The following TMED5 variants were observed in gnomAD, a reference collection of about 807,000 sequenced individuals.
TMED5 encodes transmembrane p24 trafficking protein 5.
Under a neutral mutation model 23.0 loss-of-function variants are expected in TMED5, and 27 were observed. The observed-to-expected ratio is 1.17, with a 90% CI of 0.86 to 1.62. The LOEUF (loss-of-function observed/expected upper bound fraction) is 1.62. TMED5 is among the 40% of genes most tolerant of loss of function. The probability of loss-of-function intolerance (pLI) is 0.00; values close to 1 mark genes in which losing one functional copy is unlikely to be tolerated. For missense variants in TMED5, 248 were observed against 273.7 expected, an observed-to-expected ratio of 0.91 and a Z score of 0.66; for synonymous variants, 97 against 100.8, an observed-to-expected ratio of 0.96 and a Z score of 0.23.
Position 93,160,125 on chromosome 1 carries a change from T to G in TMED5, c.287+4A>C. 6.3e-7 allele frequency: 1 copy of G among 1,594,390 alleles called. No individual in the cohort carries two copies. The highest frequency in any genetic ancestry group is 8.6e-7 in the Non-Finnish European group (1 of 1,162,898). On this transcript the variant is annotated splice_donor_region_variant and intron_variant, in intron 2 of 3. Coordinates refer to ENST00000370282, the MANE Select transcript of TMED5 (RefSeq NM_016040.5). The stretch of plus-strand genomic sequence containing the variant: ...ATGAAACTCAACTAAAAGAGATTAC[T>G]TACGTGTGAACTCCATCTGATTTTC...
chr1:93,157,094 T>C lies in TMED5; in HGVS notation c.288-611A>G, dbSNP rs115733071. 7.8e-3 allele frequency among the ~76,000 whole-genome samples: 1,184 copies of C among 152,210 alleles called. 21 individuals carry two copies. The highest frequency in any genetic ancestry group is 0.027 in the African/African-American group (1,130 of 41,544). On this transcript the variant is annotated intron_variant, in intron 2 of 3. Coordinates refer to ENST00000370282, the MANE Select transcript of TMED5 (RefSeq NM_016040.5). ...ATATTTATACATTATTAAAAGTATT[T>C]TATCATGAGTTCAATTCATATGCAG...
chr1:93,173,761 T>G (rs1648811806), intron 1 of TMED5, among the ~76,000 whole-genome samples: 1 of 152,240 alleles, frequency 6.6e-6, no homozygotes, highest in Non-Finnish European at 1.5e-5. Context: ...TAGACTTCCT[T>G]ATTAAAAACT....
rs1378215125 is a variant in TMED5 at position 93,175,314 on chromosome 1, T to TACAC, written c.189+4739_189+4740insGTGT. 2.4e-3 allele frequency among the ~76,000 whole-genome samples: 263 copies of TACAC among 109,050 alleles called. 1 individual carries two copies. The highest frequency in any genetic ancestry group is 5.3e-3 in the Middle Eastern group (1 of 188). 71.5% of individuals were successfully genotyped at this position (109,050 alleles called of 152,430 possible). ...TCCCTTATGCCTATATATATATATATATACACACACACACACACACACACA... is the reference window on the plus strand; with the variant it reads ...TCCCTTATGCCTATATATATATATATACACATACACACACACACACACACACACA... On this transcript the variant is annotated intron_variant, in intron 1 of 3. Transcript: ENST00000370282.
rs1399492283 is a variant in TMED5 at position 93,180,149 on chromosome 1, G to A, written c.94C>T (p.Leu32Phe). 1.9e-6 allele frequency: 3 copies of A among 1,613,704 alleles called. No homozygotes were observed. The highest frequency in any genetic ancestry group is 2.5e-6 in the Non-Finnish European group (3 of 1,179,804). The change falls in exon 1 of 4, where the codon CTC becomes TTC. Residue 32 changes from leucine (L) to phenylalanine (F), a missense_variant. By Grantham distance (22) the Leu-to-Phe change is conservative. Coordinates refer to ENST00000370282, the MANE Select transcript of TMED5 (RefSeq NM_016040.5). Reference protein sequence around the residue: ...LPGAAGFTPSLDSDFTFTLPA... With the variant: ...LPGAAGFTPSFDSDFTFTLPA... ...AGGGTAAAGGTGAAGTCGCTATCGAGGGAAGGTGTGAAGCCGGCCGCCCCA... is the reference window on the plus strand; with the variant it reads ...AGGGTAAAGGTGAAGTCGCTATCGAAGGAAGGTGTGAAGCCGGCCGCCCCA...
chr1:93,164,467 A>G (rs1648411767), intron 1 of TMED5, among the ~76,000 whole-genome samples: 1 of 152,162 alleles, frequency 6.6e-6, no homozygotes, highest in African/African-American at 2.4e-5. Context: ...AATTTTTTTA[A>G]AAAGTCCACC....
chr1:93,167,351 G>A (rs1648545827), intron 1 of TMED5, among the ~76,000 whole-genome samples: 1 of 152,058 alleles, frequency 6.6e-6, no homozygotes, highest in Non-Finnish European at 1.5e-5. Flanking sequence ...GATTGCTTTG[G>A]GTAGTATGGA....
chr1:93,163,893 G>A (rs1648390577), intron 1 of TMED5, among the ~76,000 whole-genome samples: 1 of 150,252 alleles, frequency 6.7e-6, no homozygotes, highest in Admixed American at 6.7e-5. Context: ...TGAGGCAGGA[G>A]AATTGCTTGA....
At chr1:93,157,850 C>T (rs1381787204) in intron 2 of TMED5, among the ~76,000 whole-genome samples, 2 of 152,194 alleles carry the variant, frequency 1.3e-5, no homozygotes, top group Non-Finnish European at 2.9e-5. Context: ...GTAGGCCGGG[C>T]ACAGTGGCTC....
chr1:93,158,056 G>A (rs925420469), intron 2 of TMED5, among the ~76,000 whole-genome samples: 1 of 151,084 alleles, frequency 6.6e-6, no homozygotes, highest in African/African-American at 2.4e-5. Context: ...CCCAGGAGGC[G>A]GAGCTTGCAG....
chr1:93,175,196 TATATAA>T (rs1648868196), intron 1 of TMED5, among the ~76,000 whole-genome samples: 1 of 142,598 alleles, frequency 7.0e-6, no homozygotes, highest in Non-Finnish European at 1.5e-5. Context: ...TATATATATA[TATATAA>T]ATGGACCTCA....
chr1:93,161,485 C>T (rs914807857), intron 1 of TMED5: 4 of 152,138 alleles, frequency 2.6e-5, no homozygotes, highest in Non-Finnish European at 5.9e-5. Context: ...CCAGTTTAAC[C>T]CATTTATGCC....
At chr1:93,156,159 C>A in intron 3 of TMED5, 141 bp downstream of exon 3, 2 of 1,132,182 alleles carry the variant, frequency 1.8e-6, no homozygotes, top group South Asian at 3.1e-5. Context: ...TACTTGAGGT[C>A]AAAGTATTTA....
rs890744542 is a variant in TMED5 at position 93,154,510 on chromosome 1, G to A, written c.*160C>T. On this transcript the variant is annotated 3_prime_UTR_variant, in exon 4 of 4. Transcript: ENST00000370282. ...TACAACTGGATCAGCAGGATTACTT[G>A]CACAGAAAGTGAAGACTTAATTTTC... 2.1e-5 allele frequency: 13 copies of A among 610,012 alleles called. No homozygotes were observed. In the African/African-American group the frequency reaches 2.4e-4, roughly 11 times the overall value. 37.8% of individuals were successfully genotyped at this position (610,012 alleles called of 1,614,324 possible).
chr1:93,171,168 C>A (rs371967182), intron 1 of TMED5, among the ~76,000 whole-genome samples: 40 of 152,266 alleles, frequency 2.6e-4, no homozygotes, highest in African/African-American at 9.4e-4. Context: ...ACAAACCCAC[C>A]AGGAGGAACG....
intron 1 of TMED5, among the ~76,000 whole-genome samples, chr1:93,170,576 C>G (rs2101156404): frequency 6.6e-6 from 1 of 152,338 alleles, no homozygotes; most frequent in African/African-American, 2.4e-5. Context: ...CTCCACGGCA[C>G]CCAGTCCCAT....
chr1:93,175,091 A>C (rs997387258), intron 1 of TMED5, among the ~76,000 whole-genome samples: 3 of 146,502 alleles, frequency 2.0e-5, no homozygotes, highest in Non-Finnish European at 4.5e-5. Context: ...AAACCCAAAT[A>C]TATATATTAA....
chr1:93,155,896 A>C, intron 3 of TMED5: 1 of 477,668 alleles, frequency 2.1e-6, no homozygotes, highest in Non-Finnish European at 3.7e-6. Context: ...AGTATTCAGT[A>C]AAACACCCAA....
rs994125842 is a variant in TMED5, at chr1:93,178,003, A to C, written c.189+2051T>G. 5.3e-5 allele frequency among the ~76,000 whole-genome samples: 8 copies of C among 152,286 alleles called. 1 individual carries two copies. Among genetic ancestry groups the C allele is most frequent in the Admixed American group, 3.9e-4 (6 of 15,306 alleles). On this transcript the variant is annotated intron_variant, in intron 1 of 3. Transcript: ENST00000370282. ...TACTGAAGATTTTTTTATTAATACA[A>C]ATTGTTTTCTTATCTAGACTATTTC...
In TMED5 at chr1:93,151,945, A is replaced by G. The variant is rs192570147; in HGVS notation, c.*2725T>C. The G allele has an allele frequency of 5.5e-4, 84 of 152,624 alleles. 1 individual carries two copies. Among genetic ancestry groups the G allele is most frequent in the Middle Eastern group, 3.4e-3 (1 of 294 alleles). 9.5% of individuals were successfully genotyped at this position (152,624 alleles called of 1,614,324 possible). ...ATAAGTATAAAGCAGTTTGAGCAAC[A>G]CTGATTGTGCATTATTGTACTTCAG... On this transcript the variant is annotated 3_prime_UTR_variant, in exon 4 of 4. Transcript: ENST00000370282.
Sources: gnomAD v4.1 joint callset for allele counts (sites outside exome capture counted in the v4.1 genomes callset) on GRCh38, gnomAD v4.1.1 for gene constraint, MANE v1.5 for transcripts, NCBI Gene and HGNC (gene_info 2026-07-23, HGNC 2026-07-21) for gene names.